SLCO3A1: variants seen among roughly 807,000 people sequenced by gnomAD.
SLCO3A1 encodes solute carrier organic anion transporter family member 3A1.
SLCO3A1 carries 27 observed loss-of-function variants against 63.1 expected under a neutral mutation model. That is an observed-to-expected ratio of 0.43 (90% CI 0.32 to 0.59). The LOEUF is 0.59. SLCO3A1 is among the 20% of genes least tolerant of loss of function. SLCO3A1 has a pLI of 0.09. For missense variants in SLCO3A1, 773 were observed against 945.8 expected (o/e 0.82, Z 2.40); for synonymous variants, 473 against 409.9 (o/e 1.15, Z -1.86).
intron 1 of SLCO3A1, among the ~76,000 whole-genome samples, chr15:91,892,272 G>A (rs984952328): frequency 2.0e-5 from 3 of 152,192 alleles, no homozygotes; most frequent in South Asian, 2.1e-4. Context: ...GTCCCCACTC[G>A]TATCGTCCTA....
At chr15:92,032,685 C>T (rs924743042) in intron 2 of SLCO3A1, among the ~76,000 whole-genome samples, 8 of 152,120 alleles carry the variant, frequency 5.3e-5, no homozygotes, top group Non-Finnish European at 8.8e-5. Context: ...CAGCATCTTG[C>T]AGGTGCAGAG....
intron 2 of SLCO3A1, among the ~76,000 whole-genome samples, chr15:92,073,293 G>A (rs1371978804): frequency 1.3e-5 from 2 of 152,106 alleles, no homozygotes; most frequent in African/African-American, 2.4e-5. Flanking sequence ...TCCAGGGCTC[G>A]GTAGCATGAG....
chr15:91,976,460 C>T (rs950079355), intron 2 of SLCO3A1, among the ~76,000 whole-genome samples: 1 of 152,120 alleles, frequency 6.6e-6, no homozygotes, highest in Admixed American at 6.5e-5. Context: ...GCTCACTAGT[C>T]ACATGTGGCT....
At chr15:92,106,766 G>A (rs2047672301) in intron 4 of SLCO3A1, among the ~76,000 whole-genome samples, 1 of 152,202 alleles carries the variant, frequency 6.6e-6, no homozygotes, top group Non-Finnish European at 1.5e-5. Flanking sequence ...ATAACAAGCA[G>A]CACAGGTGGT....
At position 91,856,711 on chromosome 15, in the gene SLCO3A1, C is replaced by T. The variant is rs112870689; in HGVS notation, c.180+2623C>T. ...ACGTGATCCTTACCTTGGCAATCAG[C>T]CTGCCTCTCTAATGAGGCATTTCCA... On this transcript the variant is annotated intron_variant, in intron 1 of 9. Transcript: ENST00000318445. The surrounding 1 kb of genome is among the most constrained non-coding windows in gnomAD (Gnocchi z 4.9). Among the ~76,000 whole-genome samples, 1,869 of 152,228 alleles carry T rather than the reference C, an allele frequency of 0.012. 50 individuals carry two copies. The highest frequency in any genetic ancestry group is 0.043 in the African/African-American group (1,770 of 41,504).
intron 2 of SLCO3A1, among the ~76,000 whole-genome samples, chr15:92,092,402 A>T (rs1596093171): frequency 6.6e-6 from 1 of 152,204 alleles, no homozygotes; most frequent in Middle Eastern, 3.4e-3. Context: ...ACAGCAGATG[A>T]GTCAAGAAGG....
At chr15:92,153,447 G>A (rs1173560673) in intron 9 of SLCO3A1, 1 of 152,196 alleles carries the variant, frequency 6.6e-6, no homozygotes, top group East Asian at 1.9e-4. Context: ...TCAGTTGAAA[G>A]CAGCTCATTG....
intron 1 of SLCO3A1, among the ~76,000 whole-genome samples, chr15:91,904,508 G>A (rs1465003775): frequency 6.6e-6 from 1 of 152,174 alleles, no homozygotes; most frequent in Non-Finnish European, 1.5e-5. Flanking sequence ...CATCCAATTA[G>A]CAGTTAATAT....
At chr15:92,136,888 T>G (rs1420188645) in intron 7 of SLCO3A1, among the ~76,000 whole-genome samples, 1 of 151,730 alleles carries the variant, frequency 6.6e-6, no homozygotes, top group Non-Finnish European at 1.5e-5. Flanking sequence ...TGGGAGTTAT[T>G]TCTAAATTAG....
intron 9 of SLCO3A1, among the ~76,000 whole-genome samples, chr15:92,152,438 C>A (rs1355830064): frequency 6.6e-6 from 1 of 152,208 alleles, no homozygotes; most frequent in Admixed American, 6.5e-5. Flanking sequence ...TGGCATTGTC[C>A]TAAGTCTAAG....
At chr15:92,001,131 A>C (rs2046249726) in intron 2 of SLCO3A1, among the ~76,000 whole-genome samples, 1 of 151,498 alleles carries the variant, frequency 6.6e-6, no homozygotes, top group Non-Finnish European at 1.5e-5. Context: ...AAAAGAAAAA[A>C]AGAAAAATTT....
chr15:92,124,962 A>C (rs2047903874), intron 5 of SLCO3A1, among the ~76,000 whole-genome samples: 2 of 152,214 alleles, frequency 1.3e-5, no homozygotes, highest in Non-Finnish European at 1.5e-5. Flanking sequence ...AGAGGCACCC[A>C]GGAGCTGGCT....
chr15:92,139,674 G>A (rs767082325), intron 7 of SLCO3A1, among the ~76,000 whole-genome samples: 4 of 152,162 alleles, frequency 2.6e-5, no homozygotes, highest in African/African-American at 4.8e-5. Context: ...GGTCTATTCC[G>A]AGATTCAACT....
chr15:91,972,236 C>T (rs72755613), intron 2 of SLCO3A1, among the ~76,000 whole-genome samples: 9,091 of 152,090 alleles, frequency 0.06, 398 homozygotes, highest in Non-Finnish European at 0.091. Flanking sequence ...CAGGTGGCTG[C>T]GCTGGGTTGG....
At chr15:92,126,301 G>T in intron 6 of SLCO3A1, 42 bp downstream of exon 6, 2 of 1,557,644 alleles carry the variant, frequency 1.3e-6, no homozygotes, top group South Asian at 2.2e-5. Flanking sequence ...CCTGTTCAGG[G>T]ACCCTAGCAA....
intron 1 of SLCO3A1, among the ~76,000 whole-genome samples, chr15:91,881,021 C>A (rs1217304280): frequency 6.6e-6 from 1 of 152,150 alleles, no homozygotes. Flanking sequence ...CAAAATGGGG[C>A]TCAGGATGGG....
At chr15:91,947,646 T>G (rs1237076827) in intron 2 of SLCO3A1, among the ~76,000 whole-genome samples, 1 of 152,190 alleles carries the variant, frequency 6.6e-6, no homozygotes, top group East Asian at 1.9e-4. Flanking sequence ...ACTTGAGTGT[T>G]TATTAAAAAT....
At chr15:91,958,674 T>C (rs1266344613) in intron 2 of SLCO3A1, among the ~76,000 whole-genome samples, 1 of 152,200 alleles carries the variant, frequency 6.6e-6, no homozygotes, top group Non-Finnish European at 1.5e-5. Context: ...AAAATTCATA[T>C]ACTATAAAAT....
At chr15:92,136,921 C>CT (rs11449854) in intron 7 of SLCO3A1, among the ~76,000 whole-genome samples, 23,228 of 149,476 alleles carry the variant, frequency 0.16, 2,541 homozygotes, top group African/African-American at 0.3. Flanking sequence ...GTTCTTCTAC[C>CT]TTTTTATGGC....
Sources: allele counts gnomAD v4.1 joint callset (sites outside exome capture counted in the v4.1 genomes callset), GRCh38; gene constraint gnomAD v4.1.1; non-coding constraint Gnocchi (gnomAD v3.1); transcripts MANE v1.5; gene names NCBI Gene and HGNC (gene_info 2026-07-23, HGNC 2026-07-21).